The following NXN variants were observed in gnomAD, a reference collection of about 807,000 sequenced individuals.
NXN encodes nucleoredoxin, also known as nucleoredoxin 1.
NXN carries 16 observed loss-of-function variants against 48.6 expected under a neutral mutation model. The observed-to-expected ratio is 0.33, with a 90% confidence interval of 0.22 to 0.50. The LOEUF (loss-of-function observed/expected upper bound fraction) is 0.50. Ranked by LOEUF, NXN falls within the 20% of genes least tolerant of loss-of-function variation. The pLI is 0.98. For synonymous variants in NXN, 281 were observed against 269.6 expected, an observed-to-expected ratio of 1.04 and a Z score of -0.41; for missense variants, 492 against 605.5, an observed-to-expected ratio of 0.81 and a Z score of 1.97.
rs561635455 is a variant in NXN at position 917,008 on chromosome 17, C to A, written c.360+62311G>T. On this transcript the variant is annotated intron_variant, in intron 1 of 7. Transcript: ENST00000336868. This position sits in a 1 kb window ranked among gnomAD's most constrained non-coding sequence, Gnocchi z 4.5. ...GTGGGTATTTTTGGTGGGTCTTTAT[C>A]TTCATTCATTAATCACATTATCAGA... is the stretch of plus-strand genomic sequence containing the variant. 6.6e-6 allele frequency among the ~76,000 whole-genome samples: 1 copy of A among 152,326 alleles called. No homozygotes were observed. The highest frequency in any genetic ancestry group is 1.5e-5 in the Non-Finnish European group (1 of 68,030).
rs1163571844 is a variant in NXN, at chr17:917,662, T to G, written c.360+61657A>C. On this transcript the variant is annotated intron_variant, in intron 1 of 7. Coordinates refer to ENST00000336868, the MANE Select transcript of NXN (RefSeq NM_022463.5). The surrounding 1 kb of genome is among the most constrained non-coding windows in gnomAD (Gnocchi z 4.5). The stretch of plus-strand genomic sequence containing the variant: ...CGCACGTCACCATCTCAACCCAATG[T>G]AGGCCACCCGCTGCAGGCGAGCTTC... Among the ~76,000 whole-genome samples the G allele has an allele frequency of 5.0e-4, 76 of 152,182 alleles. No individual in the cohort carries two copies. The highest frequency in any genetic ancestry group is 4.8e-3 in the Admixed American group (74 of 15,274).
At chr17:871,734 A>G (rs2068157424) in intron 1 of NXN, among the ~76,000 whole-genome samples, 1 of 152,128 alleles carries the variant, frequency 6.6e-6, no homozygotes. Context: ...CCCTGAATGG[A>G]AAATGTTGAT....
At chr17:915,548 G>A (rs1049748983) in intron 1 of NXN, among the ~76,000 whole-genome samples, 1 of 152,204 alleles carries the variant, frequency 6.6e-6, no homozygotes, top group African/African-American at 2.4e-5. Flanking sequence ...GCCTCCCAAA[G>A]TGCTGGGATT....
At chr17:873,193 A>G (rs1372882147) in intron 1 of NXN, among the ~76,000 whole-genome samples, 2 of 151,922 alleles carry the variant, frequency 1.3e-5, no homozygotes, top group African/African-American at 4.8e-5. Flanking sequence ...ATGTGTGCCA[A>G]TCCTTTATAA....
At chr17:817,734 C>T (rs1912562428) in intron 5 of NXN, among the ~76,000 whole-genome samples, 1 of 150,792 alleles carries the variant, frequency 6.6e-6, no homozygotes, top group African/African-American at 2.4e-5. Flanking sequence ...CTGGGTAAAT[C>T]TGGATTTGTC....
At position 841,916 on chromosome 17, in the gene NXN, C is replaced by T. The variant is rs140940451; in HGVS notation, c.361-15838G>A. On this transcript the variant is annotated intron_variant, in intron 1 of 7. Transcript: ENST00000336868. The stretch of plus-strand genomic sequence containing the variant: ...CTTTGGGAGGCCGAGGTGGGCGGAT[C>T]ACCTGAGCTCAGGAGTTGGAGGCCA... Among the ~76,000 whole-genome samples, 353 of 152,292 alleles carry T rather than the reference C, an allele frequency of 2.3e-3. 15 individuals carry two copies. The East Asian group carries it at 0.063, about 27-fold the overall frequency.
intron 1 of NXN, among the ~76,000 whole-genome samples, chr17:940,256 C>G (rs1222291453): frequency 1.4e-5 from 2 of 146,306 alleles, no homozygotes; most frequent in African/African-American, 2.5e-5. Flanking sequence ...TTTTTTTGGT[C>G]TCTTTCTCCC....
At chr17:888,162 AAAAAGG>A (rs140340749) in intron 1 of NXN, among the ~76,000 whole-genome samples, 3,924 of 152,304 alleles carry the variant, frequency 0.026, 168 homozygotes, top group African/African-American at 0.089. Context: ...CTCATGCAAT[AAAAAGG>A]AAAATCTGTA....
chr17:945,470 A>G (rs2069032109), intron 1 of NXN, among the ~76,000 whole-genome samples: 1 of 151,552 alleles, frequency 6.6e-6, no homozygotes, highest in African/African-American at 2.4e-5. Flanking sequence ...TCTACTAAAA[A>G]TACGAAAAAA....
intron 1 of NXN, among the ~76,000 whole-genome samples, chr17:970,665 G>A (rs919076789): frequency 6.6e-6 from 1 of 152,164 alleles, no homozygotes; most frequent in African/African-American, 2.4e-5. Context: ...TATTTTTTAA[G>A]GTACAATTCC....
At chr17:807,659 C>A (rs1056366886) in intron 5 of NXN, among the ~76,000 whole-genome samples, 4 of 152,224 alleles carry the variant, frequency 2.6e-5, no homozygotes, top group African/African-American at 9.6e-5. Context: ...CGGGACGGGC[C>A]GTGTTGGGCC....
chr17:934,739 T>C (rs1454635918), intron 1 of NXN, among the ~76,000 whole-genome samples: 2 of 151,008 alleles, frequency 1.3e-5, no homozygotes, highest in African/African-American at 4.9e-5. Context: ...CTGGTCGTGA[T>C]GGCACGCACC....
chr17:824,238 G>A (rs1193946138), intron 2 of NXN, among the ~76,000 whole-genome samples: 1 of 132,190 alleles, frequency 7.6e-6, no homozygotes, highest in Non-Finnish European at 1.6e-5. Context: ...TAGTAGAGAT[G>A]GGGTTTCACC....
chr17:939,044 C>T (rs367709490), intron 1 of NXN, among the ~76,000 whole-genome samples: 20 of 151,586 alleles, frequency 1.3e-4, no homozygotes, highest in African/African-American at 4.8e-4. Context: ...AAGGGTGAGA[C>T]TCCCTCTCAA....
chr17:963,183 A>T (rs1249413069), intron 1 of NXN, among the ~76,000 whole-genome samples: 2 of 139,210 alleles, frequency 1.4e-5, no homozygotes, highest in East Asian at 2.2e-4. Context: ...GGCTTGATTT[A>T]AAAAAAAAAA....
chr17:859,899 A>G (rs987276150), intron 1 of NXN, among the ~76,000 whole-genome samples: 2 of 152,128 alleles, frequency 1.3e-5, no homozygotes, highest in Admixed American at 1.3e-4. Context: ...ATCTGTTCTA[A>G]TGTGTCTCCT....
At position 885,672 on chromosome 17, in the gene NXN, C is replaced by CTTTTT. The variant is rs532225883; in HGVS notation, c.361-59599_361-59595dup. ...GCCCACCTGGGGGCTGCGGTACTCG[C>CTTTTT]TTTTTTTTTTTTTTTTTTTTTTTTT... On this transcript the variant is annotated intron_variant, in intron 1 of 7. Transcript: ENST00000336868. Among the ~76,000 whole-genome samples, 22 of 83,758 alleles carry CTTTTT rather than the reference C, an allele frequency of 2.6e-4. 4 individuals carry two copies. Among genetic ancestry groups the CTTTTT allele is most frequent in the African/African-American group, 1.1e-3 (17 of 15,230 alleles). The allele number at this position is 83,758 out of a possible 152,430, so 54.9% of individuals were successfully genotyped here.
At chr17:897,739 G>A (rs1005637392) in intron 1 of NXN, among the ~76,000 whole-genome samples, 7 of 152,032 alleles carry the variant, frequency 4.6e-5, no homozygotes, top group Non-Finnish European at 7.4e-5. Context: ...GCAGTGGCAC[G>A]ATCTCGGCTC....
intron 5 of NXN, among the ~76,000 whole-genome samples, chr17:813,087 A>C (rs1912259011): frequency 6.6e-6 from 1 of 152,242 alleles, no homozygotes; most frequent in Non-Finnish European, 1.5e-5. Flanking sequence ...CGTCCACTGA[A>C]TGACACTGGA....
Sources: gnomAD v4.1 joint callset for allele counts (sites outside exome capture counted in the v4.1 genomes callset) on GRCh38, gnomAD v4.1.1 for gene constraint, Gnocchi (gnomAD v3.1) non-coding constraint, MANE v1.5 for transcripts, NCBI Gene and HGNC (gene_info 2026-07-23, HGNC 2026-07-21) for gene names.